The following CUX1 variants were observed in gnomAD, a reference collection of about 807,000 sequenced individuals.
CUX1 encodes cut like homeobox 1.
A neutral mutation model predicts 158.8 loss-of-function variants in CUX1; 31 were observed. The observed-to-expected ratio is 0.20, with a 90% CI of 0.15 to 0.26. The LOEUF is 0.26. Ranked by LOEUF, CUX1 falls within the 10% of genes least tolerant of loss-of-function variation. The pLI, the probability that CUX1 is intolerant of heterozygous loss-of-function variation, is 1.00. For synonymous variants in CUX1, 879 were observed against 862.1 expected (o/e 1.02, Z -0.34); for missense variants, 1,589 against 2,014.6 (o/e 0.79, Z 4.04).
intron 11 of CUX1, among the ~76,000 whole-genome samples, chr7:102,185,841 C>T (rs1259453597): frequency 4.6e-5 from 7 of 152,082 alleles, no homozygotes; most frequent in Non-Finnish European, 8.8e-5. Context: ...CACGTAGGAC[C>T]GGCCTCAGCT....
At chr7:101,991,264 G>A (rs1305839172) in intron 2 of CUX1, among the ~76,000 whole-genome samples, 4 of 152,204 alleles carry the variant, frequency 2.6e-5, no homozygotes, top group Non-Finnish European at 5.9e-5. Context: ...CACCACCACC[G>A]TCGTGGGCAG....
chr7:102,028,596 C>T (rs1420900521), intron 3 of CUX1, among the ~76,000 whole-genome samples: 7 of 152,202 alleles, frequency 4.6e-5, no homozygotes, highest in Non-Finnish European at 1.0e-4. Flanking sequence ...AAACACAGAG[C>T]ATCTAGCAGA....
At chr7:102,155,381 CAA>C (rs562482446) in intron 8 of CUX1, among the ~76,000 whole-genome samples, 33 of 110,092 alleles carry the variant, frequency 3.0e-4, no homozygotes, top group Middle Eastern at 4.9e-3. Flanking sequence ...TTGTCTCTAC[CAA>C]AAAAAAAAAA....
At chr7:102,050,898 C>T (rs1425253727) in intron 3 of CUX1, among the ~76,000 whole-genome samples, 1 of 152,030 alleles carries the variant, frequency 6.6e-6, no homozygotes, top group Non-Finnish European at 1.5e-5. Flanking sequence ...TCCCTAACCT[C>T]GCTGGAATCA....
At chr7:102,216,663 A>C (rs1333411564) in intron 20 of CUX1, among the ~76,000 whole-genome samples, 2 of 57,896 alleles carry the variant, frequency 3.5e-5, no homozygotes, top group African/African-American at 5.5e-5. Flanking sequence ...ACTCTCCCAC[A>C]CACACTCACA....
At chr7:101,997,331 T>C (rs532651977) in intron 2 of CUX1, among the ~76,000 whole-genome samples, 1 of 152,172 alleles carries the variant, frequency 6.6e-6, no homozygotes, top group East Asian at 1.9e-4. Context: ...TTTGTTTTTT[T>C]GTTTGTTTGT....
chr7:102,176,207 G>A (rs1418349623), intron 10 of CUX1, among the ~76,000 whole-genome samples: 1 of 152,242 alleles, frequency 6.6e-6, no homozygotes, highest in Non-Finnish European at 1.5e-5. Context: ...TTTTCCCCGA[G>A]GGAGATATAA....
intron 1 of CUX1, among the ~76,000 whole-genome samples, chr7:101,880,130 A>T (rs1039006293): frequency 2.0e-5 from 3 of 152,192 alleles, no homozygotes; most frequent in African/African-American, 7.2e-5. Context: ...CAAAAACTCC[A>T]AGTGTGAGAA....
intron 18 of CUX1, among the ~76,000 whole-genome samples, chr7:102,203,942 A>G (rs1554520411): frequency 6.6e-6 from 1 of 152,198 alleles, no homozygotes; most frequent in Non-Finnish European, 1.5e-5. Context: ...CAGCGTTTGC[A>G]GAGGACACCA....
At chr7:101,944,645 G>A (rs960216192) in intron 2 of CUX1, among the ~76,000 whole-genome samples, 4 of 152,246 alleles carry the variant, frequency 2.6e-5, no homozygotes, top group African/African-American at 9.6e-5. Flanking sequence ...CTCCTGCTAA[G>A]ACACCCTGGG....
intron 1 of CUX1, among the ~76,000 whole-genome samples, chr7:101,839,198 A>G (rs1432406728): frequency 6.6e-6 from 1 of 152,144 alleles, no homozygotes; most frequent in East Asian, 1.9e-4. Context: ...CAATGTATGA[A>G]TTTGAGGGGG....
At chr7:102,061,418 C>T (rs1448170620) in intron 3 of CUX1, among the ~76,000 whole-genome samples, 1 of 152,164 alleles carries the variant, frequency 6.6e-6, no homozygotes, top group East Asian at 1.9e-4. Context: ...GTCCAAGTAA[C>T]TTGGTGGGTT....
In CUX1 at chr7:102,250,645, C is replaced by G. The variant is rs1293719059; in HGVS notation, c.*1603C>G. On this transcript the variant is annotated 3_prime_UTR_variant, in exon 24 of 24. Transcript: ENST00000292535. ...TTCAACTTCCAAACCTACCATTTGC[C>G]CTTCTTTCATTTCGCCTCTTAGTTC... 1 of 985,264 alleles carries G rather than the reference C, an allele frequency of 1.0e-6. No individual in the cohort carries two copies. Among genetic ancestry groups the G allele is most frequent in the African/African-American group, 1.7e-5 (1 of 57,200 alleles). The allele number at this position is 985,264 out of a possible 1,614,324, so 61.0% of individuals were successfully genotyped here.
At chr7:101,971,658 G>T (rs1021701483) in intron 2 of CUX1, among the ~76,000 whole-genome samples, 1 of 152,068 alleles carries the variant, frequency 6.6e-6, no homozygotes, top group African/African-American at 2.4e-5. Context: ...TGTGACTTAC[G>T]CTGTCCACAA....
chr7:101,942,876 G>A (rs1018298755), intron 2 of CUX1, among the ~76,000 whole-genome samples: 2 of 152,176 alleles, frequency 1.3e-5, no homozygotes, highest in South Asian at 2.1e-4. Flanking sequence ...CGCTGCACAC[G>A]GACCTGGGCC....
intron 2 of CUX1, chr7:101,960,174 T>C (rs1464594018): frequency 1.3e-5 from 2 of 152,194 alleles, no homozygotes; most frequent in Non-Finnish European, 2.9e-5. Context: ...CCGGAATCTG[T>C]CGTTTTAGCT....
At chr7:102,167,497 G>A (rs547396923) in intron 9 of CUX1, among the ~76,000 whole-genome samples, 64 of 152,150 alleles carry the variant, frequency 4.2e-4, no homozygotes, top group Non-Finnish European at 7.3e-4. Context: ...CAGAGCCAGT[G>A]TTACAAGTCA....
chr7:102,046,642 T>C (rs868022694), intron 3 of CUX1, among the ~76,000 whole-genome samples: 1 of 143,102 alleles, frequency 7.0e-6, no homozygotes, highest in African/African-American at 2.6e-5. Flanking sequence ...AGTTGCACGA[T>C]CACAGCTCAC....
intron 20 of CUX1, among the ~76,000 whole-genome samples, chr7:102,210,958 G>T (rs958888537): frequency 1.3e-5 from 2 of 152,198 alleles, no homozygotes; most frequent in Non-Finnish European, 2.9e-5. Context: ...GTTCCCACCA[G>T]ACAGCCAGGA....
Sources: allele counts gnomAD v4.1 joint callset (sites outside exome capture counted in the v4.1 genomes callset), GRCh38; gene constraint gnomAD v4.1.1; transcripts MANE v1.5; gene names NCBI Gene and HGNC (gene_info 2026-07-23, HGNC 2026-07-21).